The following PLVAP variants were observed in gnomAD, a reference collection of about 807,000 sequenced individuals.
The protein encoded by PLVAP is plasmalemma vesicle-associated protein.
Under a neutral mutation model 43.1 loss-of-function variants are expected in PLVAP, and 34 were observed. The observed-to-expected ratio is 0.79, with a 90% CI of 0.60 to 1.05. The LOEUF (loss-of-function observed/expected upper bound fraction) is 1.05. PLVAP is among the 50% of genes least tolerant of loss of function. The pLI, the probability that PLVAP is intolerant of heterozygous loss-of-function variation, is 0.00. For synonymous variants in PLVAP, 241 were observed against 237.3 expected (o/e 1.02, Z -0.14); for missense variants, 574 against 593.4 (o/e 0.97, Z 0.34).
intron 1 of PLVAP, among the ~76,000 whole-genome samples, chr19:17,376,054 C>T (rs1568378297): frequency 6.6e-6 from 1 of 151,076 alleles, no homozygotes; most frequent in Non-Finnish European, 1.5e-5. Flanking sequence ...GTGGCATGTC[C>T]ATAGTGCCAG....
At chr19:17,364,267 G>T (rs1379379259) in intron 3 of PLVAP, among the ~76,000 whole-genome samples, 2 of 151,936 alleles carry the variant, frequency 1.3e-5, no homozygotes, top group African/African-American at 2.4e-5. Context: ...TTGTGTTTTA[G>T]TAGAGGCGAG....
intron 1 of PLVAP, among the ~76,000 whole-genome samples, chr19:17,371,966 C>A (rs1474404358): frequency 1.3e-5 from 2 of 150,504 alleles, no homozygotes; most frequent in African/African-American, 2.4e-5. Context: ...CCTGGGGGGA[C>A]ATGGGGAATG....
intron 5 of PLVAP, among the ~76,000 whole-genome samples, chr19:17,353,705 A>G (rs1425622357): frequency 1.3e-5 from 2 of 152,098 alleles, no homozygotes; most frequent in African/African-American, 4.8e-5. Flanking sequence ...TCTGGTAGAA[A>G]GTTCCAACCT....
rs1021075203 is a variant in PLVAP at position 17,352,022 on chromosome 19, T to C, written c.*340A>G. The C allele has an allele frequency of 2.7e-6, 1 of 367,312 alleles. No individual in the cohort carries two copies. The highest frequency in any genetic ancestry group is 2.0e-5 in the African/African-American group (1 of 48,994). The allele number at this position is 367,312 out of a possible 1,614,324, so 22.8% of individuals were successfully genotyped here. A position where few individuals can be genotyped will look rare whatever the true frequency, so the allele number is the denominator to read the frequency against. ...GTGTGACGTCATGCCAAGTTCCCCATGTCTGTGTGCGACGTGCTGCATCTG... is the reference window on the plus strand; with the variant it reads ...GTGTGACGTCATGCCAAGTTCCCCACGTCTGTGTGCGACGTGCTGCATCTG... On this transcript the variant is annotated 3_prime_UTR_variant, in exon 6 of 6. Coordinates refer to ENST00000252590, the MANE Select transcript of PLVAP (RefSeq NM_031310.3).
intron 5 of PLVAP, among the ~76,000 whole-genome samples, chr19:17,354,334 T>C (rs565523436): frequency 1.3e-5 from 2 of 152,170 alleles, no homozygotes; most frequent in South Asian, 2.1e-4. Context: ...CAGTGGCTCA[T>C]ACCTGTAATC....
chr19:17,359,732 G>T, intron 5 of PLVAP, among the ~76,000 whole-genome samples: 2 of 113,578 alleles, frequency 1.8e-5, no homozygotes, highest in Admixed American at 1.1e-4. Flanking sequence ...TCACTCTGTC[G>T]TCCAGGCTGG....
rs1383038024 is a variant in PLVAP, at chr19:17,365,356, CTCT to C, written c.1106_1108del (p.Lys369del). On this transcript the variant is annotated inframe_deletion, in exon 3 of 6. Transcript: ENST00000252590. ...CTCCATCCTGAGCTGCTCCGCCTCC[CTCT>C]TCTTCTCTTCCAGCTCCTTGGCCAG... 1.6e-5 allele frequency: 26 copies of C among 1,613,330 alleles called. No individual in the cohort carries two copies. Among genetic ancestry groups the C allele is most frequent in the Admixed American group, 5.0e-5 (3 of 60,002 alleles).
intron 5 of PLVAP, among the ~76,000 whole-genome samples, chr19:17,359,445 T>G (rs935218507): frequency 1.5e-5 from 2 of 134,318 alleles, no homozygotes; most frequent in African/African-American, 5.7e-5. Flanking sequence ...CTTGCTCTGT[T>G]CCCAGGCTGG....
At position 17,352,195 on chromosome 19, in the gene PLVAP, G is replaced by A. The variant is rs2074488620; in HGVS notation, c.*167C>T. ...GTGAGGGATCGTGAGGCGCGGGTGC[G>A]GGTGTGAGAGGGTACTAGGGGTTTG... On this transcript the variant is annotated 3_prime_UTR_variant, in exon 6 of 6. Transcript: ENST00000252590. 3.4e-6 allele frequency: 3 copies of A among 883,856 alleles called. No individual in the cohort carries two copies. The highest frequency in any genetic ancestry group is 2.7e-5 in the East Asian group (1 of 37,396). 54.8% of individuals were successfully genotyped at this position (883,856 alleles called of 1,614,324 possible). A position where few individuals can be genotyped will look rare whatever the true frequency, so the allele number is the denominator to read the frequency against.
chr19:17,375,254 G>A (rs969361475), intron 1 of PLVAP, among the ~76,000 whole-genome samples: 11 of 151,972 alleles, frequency 7.2e-5, no homozygotes, highest in African/African-American at 1.9e-4. Flanking sequence ...TACTGTAGCC[G>A]GTCTTCAGCC....
Position 17,352,013 on chromosome 19 carries a change from A to G in PLVAP, c.*349T>C, listed in dbSNP as rs1266959828. 5.9e-6 allele frequency: 2 copies of G among 339,228 alleles called. No individual in the cohort carries two copies. The highest frequency in any genetic ancestry group is 2.1e-5 in the African/African-American group (1 of 47,408). The allele number at this position is 339,228 out of a possible 1,614,324, so 21.0% of individuals were successfully genotyped here. On this transcript the variant is annotated 3_prime_UTR_variant, in exon 6 of 6. Coordinates refer to ENST00000252590, the MANE Select transcript of PLVAP (RefSeq NM_031310.3). ...TGCATCTCGGTGTGACGTCATGCCAAGTTCCCCATGTCTGTGTGCGACGTG... is the reference window on the plus strand; with the variant it reads ...TGCATCTCGGTGTGACGTCATGCCAGGTTCCCCATGTCTGTGTGCGACGTG...
intron 5 of PLVAP, among the ~76,000 whole-genome samples, chr19:17,357,039 G>C (rs1213430349): frequency 6.6e-6 from 1 of 152,002 alleles, no homozygotes; most frequent in Non-Finnish European, 1.5e-5. Context: ...CAGCACTTTG[G>C]GAGGCCAAGG....
At position 17,360,604 on chromosome 19, in the gene PLVAP, C is replaced by T; in HGVS notation, c.1246G>A (p.Ala416Thr). 1 of 1,612,482 alleles carries T rather than the reference C, an allele frequency of 6.2e-7. No individual in the cohort carries two copies. Residue 416 changes from alanine (A) to threonine (T), a missense_variant, in exon 5 of 6, where the codon GCT (alanine) becomes ACT (threonine). By Grantham distance (58) the Ala-to-Thr change is moderately conservative. Transcript: ENST00000252590. The part of the protein sequence containing the change: ...PVPNPQPIDP[A>T]SLEEFKRKIL... ...TTCCTCTTGAACTCCTCCAGGCTAG[C>T]TGGGTCTGTGGAGGGAGAGAGGTGA...
chr19:17,352,475 G>C (rs981068867), intron 5 of PLVAP, 107 bp from the exon 6 acceptor site: 6 of 1,322,092 alleles, frequency 4.5e-6, no homozygotes, highest in Non-Finnish European at 5.4e-6. Flanking sequence ...ACATCCTGGG[G>C]ACCCCGGCCC....
At chr19:17,367,504 T>C (rs1453801780) in intron 1 of PLVAP, among the ~76,000 whole-genome samples, 1 of 152,076 alleles carries the variant, frequency 6.6e-6, no homozygotes, top group Non-Finnish European at 1.5e-5. Context: ...TTCTCCTGCC[T>C]CAGCCTCCTG....
At chr19:17,360,727 G>A in intron 4 of PLVAP, 45 bp downstream of exon 4, 7 of 1,596,274 alleles carry the variant, frequency 4.4e-6, no homozygotes, top group Non-Finnish European at 5.2e-6. Flanking sequence ...GGTTCGAGGT[G>A]GAAAGGGGCC....
At chr19:17,353,089 T>G (rs1281850086) in intron 5 of PLVAP, among the ~76,000 whole-genome samples, 1 of 152,182 alleles carries the variant, frequency 6.6e-6, no homozygotes, top group Non-Finnish European at 1.5e-5. Context: ...GGGGTTGGCT[T>G]AGAGCCTGTT....
intron 5 of PLVAP, among the ~76,000 whole-genome samples, chr19:17,354,486 A>G (rs1225266265): frequency 1.3e-5 from 2 of 151,256 alleles, no homozygotes; most frequent in Non-Finnish European, 2.9e-5. Flanking sequence ...AATCCCAGCT[A>G]CTCGGGAGGC....
chr19:17,363,420 G>A lies in PLVAP; in HGVS notation c.1179+1866C>T, dbSNP rs2074535829. ...GACCTCAGGTGATCCGCCCACATTGGCCTCCCAAAGTGCTGGGATTACAGG... is the reference window on the plus strand; with the variant it reads ...GACCTCAGGTGATCCGCCCACATTGACCTCCCAAAGTGCTGGGATTACAGG... On this transcript the variant is annotated intron_variant, in intron 3 of 5. Coordinates refer to ENST00000252590, the MANE Select transcript of PLVAP (RefSeq NM_031310.3). Among the ~76,000 whole-genome samples, 3 of 152,168 alleles carry A rather than the reference G, an allele frequency of 2.0e-5. No homozygotes were observed. In the South Asian group the frequency reaches 6.2e-4, roughly 31 times the overall value.
Sources: allele counts gnomAD v4.1 joint callset (sites outside exome capture counted in the v4.1 genomes callset), GRCh38; gene constraint gnomAD v4.1.1; transcripts MANE v1.5; gene names NCBI Gene and HGNC (gene_info 2026-07-23, HGNC 2026-07-21).